NEGR1: variants seen among roughly 807,000 people sequenced by gnomAD.
NEGR1 encodes the protein neuronal growth regulator 1.
A neutral mutation model predicts 40.9 loss-of-function variants in NEGR1; 10 were observed. The ratio of observed to expected loss-of-function variants is 0.24; its 90% CI spans 0.15 to 0.42. The LOEUF (loss-of-function observed/expected upper bound fraction) is 0.42, where lower values mean the gene tolerates loss of function less well. Ranked by LOEUF, NEGR1 falls within the 10% of genes least tolerant of loss-of-function variation. The probability of loss-of-function intolerance (pLI) is 1.00; values close to 1 mark genes in which losing one functional copy is unlikely to be tolerated. For missense variants in NEGR1, 352 were observed against 438.9 expected (o/e 0.80, Z 1.77); for synonymous variants, 185 against 166.8 (o/e 1.11, Z -0.84).
rs111400198 is a variant in NEGR1, at chr1:71,853,019, C to T, written c.410-76722G>A. On this transcript the variant is annotated intron_variant, in intron 2 of 6. Coordinates refer to ENST00000357731, the MANE Select transcript of NEGR1 (RefSeq NM_173808.3). Reference sequence around the variant, plus strand: ...TGGACATTTAAAGTTAAAGAAATTTCTAATAGTCATGAATCATGGGGAAAA... The same window carrying T: ...TGGACATTTAAAGTTAAAGAAATTTTTAATAGTCATGAATCATGGGGAAAA... 4.4e-3 allele frequency among the ~76,000 whole-genome samples: 662 copies of T among 152,174 alleles called. 2 individuals carry two copies. The highest frequency in any genetic ancestry group is 0.015 in the African/African-American group (615 of 41,540).
rs182737583 is a variant in NEGR1 at position 71,911,026 on chromosome 1, C to G, written c.409+24053G>C. On this transcript the variant is annotated intron_variant, in intron 2 of 6. Transcript: ENST00000357731. The stretch of plus-strand genomic sequence containing the variant: ...AGTCTTAGATTTTAACCAGAATTTC[C>G]TGTAGTACTTTAAAAAAATAAAAGA... 5.2e-3 allele frequency among the ~76,000 whole-genome samples: 786 copies of G among 152,156 alleles called. 7 individuals are homozygous for G. The highest frequency in any genetic ancestry group is 0.018 in the African/African-American group (752 of 41,504).
intron 1 of NEGR1, among the ~76,000 whole-genome samples, chr1:71,971,080 G>A (rs1218308157): frequency 6.6e-6 from 1 of 152,048 alleles, no homozygotes; most frequent in Non-Finnish European, 1.5e-5. Flanking sequence ...AAAAGGAAAG[G>A]GCACAGAGAT....
chr1:72,202,264 A>T (rs1246879730), intron 1 of NEGR1, among the ~76,000 whole-genome samples: 1 of 151,846 alleles, frequency 6.6e-6, no homozygotes, highest in East Asian at 1.9e-4. Flanking sequence ...CTCCATACCT[A>T]TCTTTCCCCT....
At chr1:71,772,098 G>A (rs541771538) in intron 3 of NEGR1, among the ~76,000 whole-genome samples, 4 of 152,210 alleles carry the variant, frequency 2.6e-5, no homozygotes, top group South Asian at 2.1e-4. Context: ...ATGTGACTCC[G>A]GATCCGATTC....
chr1:72,079,998 C>T (rs1316205273), intron 1 of NEGR1, among the ~76,000 whole-genome samples: 1 of 151,990 alleles, frequency 6.6e-6, no homozygotes, highest in East Asian at 1.9e-4. Context: ...TTTCACCAGA[C>T]GAAGAACCAT....
chr1:71,853,726 G>A (rs1454234011), intron 2 of NEGR1, among the ~76,000 whole-genome samples: 7 of 152,130 alleles, frequency 4.6e-5, no homozygotes, highest in Non-Finnish European at 1.0e-4. Context: ...TCAAGAGACA[G>A]TAGAAGAAAG....
intron 1 of NEGR1, among the ~76,000 whole-genome samples, chr1:71,948,528 T>C (rs1460338681): frequency 6.6e-6 from 1 of 151,654 alleles, no homozygotes; most frequent in Non-Finnish European, 1.5e-5. Flanking sequence ...ACAGGAGATA[T>C]TTGGTACGAA....
In NEGR1 at chr1:72,180,879, A is replaced by C. The variant is rs1308785184; in HGVS notation, c.176+101440T>G. On this transcript the variant is annotated intron_variant, in intron 1 of 6. Transcript: ENST00000357731. ...TACAGATTCTGACTTCCTCCTCTGG[A>C]TCCTTGCAGCAGTTAGTTTGGGATT... Among the ~76,000 whole-genome samples, 6 of 152,052 alleles carry C rather than the reference A, an allele frequency of 3.9e-5. No homozygotes were observed. The East Asian group carries it at 1.2e-3, about 29-fold the overall frequency.
intron 4 of NEGR1, among the ~76,000 whole-genome samples, chr1:71,621,015 T>C (rs1650591767): frequency 6.6e-6 from 1 of 151,924 alleles, no homozygotes; most frequent in Non-Finnish European, 1.5e-5. Context: ...TAGTTGTCAA[T>C]AAAAACATTA....
At chr1:71,813,663 G>A (rs111376869) in intron 2 of NEGR1, among the ~76,000 whole-genome samples, 1 of 152,006 alleles carries the variant, frequency 6.6e-6, no homozygotes, top group Admixed American at 6.6e-5. Flanking sequence ...CTTATTAGCT[G>A]TATTGCTAGG....
At chr1:71,572,862 AT>A (rs1246284112) in intron 6 of NEGR1, among the ~76,000 whole-genome samples, 6 of 152,056 alleles carry the variant, frequency 3.9e-5, no homozygotes, top group Non-Finnish European at 8.8e-5. Context: ...AGAGTAATCA[AT>A]GAATAGTCGA....
rs1158039041 is a variant in NEGR1 at position 71,597,432 on chromosome 1, G to GTCTCTCTCTCTCTCTC, written c.789-4480_789-4465dup. Among the ~76,000 whole-genome samples, 9 of 60,730 alleles carry GTCTCTCTCTCTCTCTC rather than the reference G, an allele frequency of 1.5e-4. 2 individuals are homozygous for GTCTCTCTCTCTCTCTC. Among genetic ancestry groups the GTCTCTCTCTCTCTCTC allele is most frequent in the African/African-American group, 5.9e-4 (9 of 15,224 alleles). 39.8% of individuals were successfully genotyped at this position (60,730 alleles called of 152,430 possible). A position where few individuals can be genotyped will look rare whatever the true frequency, so the allele number is the denominator to read the frequency against. Reference sequence around the variant, plus strand: ...TTTATTTATATATATATATATATATGTCTCTCTCTCTCTCTCTCTCTCTCT... The same window carrying GTCTCTCTCTCTCTCTC: ...TTTATTTATATATATATATATATATGTCTCTCTCTCTCTCTCTCTCTCTCTCTCTCTCTCTCTCTCT... On this transcript the variant is annotated intron_variant, in intron 5 of 6. Coordinates refer to ENST00000357731, the MANE Select transcript of NEGR1 (RefSeq NM_173808.3).
At chr1:71,727,888 TG>T (rs1280066332) in intron 3 of NEGR1, among the ~76,000 whole-genome samples, 31 of 152,182 alleles carry the variant, frequency 2.0e-4, no homozygotes, top group African/African-American at 7.2e-4. Flanking sequence ...GAACAGCCAG[TG>T]GGGTGCGAAG....
intron 3 of NEGR1, among the ~76,000 whole-genome samples, chr1:71,735,541 T>C (rs530070188): frequency 6.6e-6 from 1 of 152,022 alleles, no homozygotes; most frequent in African/African-American, 2.4e-5. Flanking sequence ...TAGAAAAACA[T>C]ATAGGAGCAT....
chr1:72,016,008 T>C (rs1646706609), intron 1 of NEGR1, among the ~76,000 whole-genome samples: 1 of 152,306 alleles, frequency 6.6e-6, no homozygotes, highest in Middle Eastern at 3.4e-3. Flanking sequence ...GTGACTTCTA[T>C]TTTAAGTTAA....
rs1168854629 is a variant in NEGR1 at position 71,928,351 on chromosome 1, TATATATATA to T, written c.409+6719_409+6727del. ...ATATATGTATATATACACACATGTG[TATATATATA>T]TACACATATGTATATATGTATATAT... On this transcript the variant is annotated intron_variant, in intron 2 of 6. Transcript: ENST00000357731. Among the ~76,000 whole-genome samples, 4 of 51,864 alleles carry T rather than the reference TATATATATA, an allele frequency of 7.7e-5. 1 individual carries two copies. Among genetic ancestry groups the T allele is most frequent in the Non-Finnish European group, 1.4e-4 (4 of 28,622 alleles). The allele number at this position is 51,864 out of a possible 152,430, so 34.0% of individuals were successfully genotyped here. A position where few individuals can be genotyped will look rare whatever the true frequency, so the allele number is the denominator to read the frequency against.
chr1:72,240,520 G>GT lies in NEGR1; in HGVS notation c.176+41798dup, dbSNP rs1654697439. ...ATCCCAAGCATTTCTTCAAAGAATT[G>GT]TAACAGGAGATAAAACTTGGCTACA... is the stretch of plus-strand genomic sequence containing the variant. On this transcript the variant is annotated intron_variant, in intron 1 of 6. Coordinates refer to ENST00000357731, the MANE Select transcript of NEGR1 (RefSeq NM_173808.3). 2.0e-5 allele frequency among the ~76,000 whole-genome samples: 3 copies of GT among 151,872 alleles called. No homozygotes were observed. The South Asian group carries it at 6.2e-4, about 31-fold the overall frequency.
intron 1 of NEGR1, among the ~76,000 whole-genome samples, chr1:72,027,530 A>C (rs1646822336): frequency 6.6e-6 from 1 of 152,000 alleles, no homozygotes; most frequent in African/African-American, 2.4e-5. Flanking sequence ...GATAAATGAG[A>C]ACCAGGTATA....
intron 4 of NEGR1, among the ~76,000 whole-genome samples, chr1:71,613,511 G>C (rs974008810): frequency 2.6e-5 from 4 of 152,052 alleles, no homozygotes; most frequent in Non-Finnish European, 5.9e-5. Context: ...GCCAGGCATA[G>C]TGGTGGGCAC....
Sources: allele counts gnomAD v4.1 joint callset (sites outside exome capture counted in the v4.1 genomes callset), GRCh38; gene constraint gnomAD v4.1.1; transcripts MANE v1.5; gene names NCBI Gene and HGNC (gene_info 2026-07-23, HGNC 2026-07-21).